APBA2: variants seen among roughly 807,000 people sequenced by gnomAD.
APBA2 encodes amyloid-beta A4 precursor protein-binding family A member 2.
In APBA2, 30 loss-of-function variants were observed where a neutral mutation model predicts 75.0. The ratio of observed to expected loss-of-function variants is 0.40; its 90% CI spans 0.30 to 0.54. The LOEUF (loss-of-function observed/expected upper bound fraction) is 0.54, where lower values mean the gene tolerates loss of function less well. Among genes scored for constraint, APBA2 ranks in the 20% least tolerant of loss-of-function variants. The pLI is 0.49. For missense variants in APBA2, 801 were observed against 1,016.1 expected (o/e 0.79, Z 2.88); for synonymous variants, 444 against 409.6 (o/e 1.08, Z -1.01).
chr15:29,115,357 C>T (rs1029736471), intron 14 of APBA2, among the ~76,000 whole-genome samples: 5 of 152,070 alleles, frequency 3.3e-5, no homozygotes, highest in Non-Finnish European at 7.4e-5. Flanking sequence ...CGGCTGGGAG[C>T]TGGGAGGCCT....
At chr15:28,900,333 C>T (rs2032775954) in intron 1 of APBA2, among the ~76,000 whole-genome samples, 1 of 152,172 alleles carries the variant, frequency 6.6e-6, no homozygotes, top group Non-Finnish European at 1.5e-5. Context: ...GTGGTGACGG[C>T]AGCATTGGGT....
At chr15:29,027,092 A>G (rs1358791939) in intron 3 of APBA2, among the ~76,000 whole-genome samples, 2 of 152,230 alleles carry the variant, frequency 1.3e-5, no homozygotes, top group Non-Finnish European at 2.9e-5. Context: ...TTTTAATGCT[A>G]ATAGTGAACC....
chr15:29,090,737 C>T lies in APBA2; in HGVS notation c.1070-2338C>T, dbSNP rs561404624. Among the ~76,000 whole-genome samples the T allele has an allele frequency of 2.6e-5, 4 of 152,272 alleles. No homozygotes were observed. In the South Asian group the frequency reaches 8.3e-4, roughly 32 times the overall value. On this transcript the variant is annotated intron_variant, in intron 6 of 14. Transcript: ENST00000683413. ...GGTCAATGAGAGCCACTGCATTGGG[C>T]CCCACTGGGTGACTGGGGCTTCACT...
intron 3 of APBA2, among the ~76,000 whole-genome samples, chr15:29,025,950 CAAA>C (rs60211119): frequency 7.7e-5 from 9 of 117,326 alleles, no homozygotes; most frequent in African/African-American, 8.5e-5. Flanking sequence ...GACTCCGACT[CAAA>C]AAAAAAAAAA....
At chr15:29,005,533 A>G (rs1279757780) in intron 3 of APBA2, among the ~76,000 whole-genome samples, 6 of 152,006 alleles carry the variant, frequency 3.9e-5, no homozygotes, top group Non-Finnish European at 5.9e-5. Flanking sequence ...AAGTGCTGGG[A>G]TTACAGGCGT....
chr15:29,104,230 C>T (rs1247169698), intron 10 of APBA2, among the ~76,000 whole-genome samples: 7 of 152,212 alleles, frequency 4.6e-5, no homozygotes, highest in East Asian at 1.9e-4. Context: ...TGGGGGCGCC[C>T]GTGCAGGACC....
At chr15:29,107,474 C>T (rs1027474916) in intron 12 of APBA2, among the ~76,000 whole-genome samples, 2 of 152,320 alleles carry the variant, frequency 1.3e-5, no homozygotes, top group East Asian at 1.9e-4. Flanking sequence ...TTCCTCCCCA[C>T]CCTGCTGTGG....
chr15:29,062,438 C>G (rs559667679), intron 4 of APBA2, among the ~76,000 whole-genome samples: 1 of 152,168 alleles, frequency 6.6e-6, no homozygotes, highest in Non-Finnish European at 1.5e-5. Flanking sequence ...ACGTTTCAAT[C>G]CTGGCTGGCT....
At chr15:29,039,098 GGTGTGTGTGTGTGTGTGTGTGTGTGTGT>G (rs57326919) in intron 3 of APBA2, among the ~76,000 whole-genome samples, 16 of 106,294 alleles carry the variant, frequency 1.5e-4, no homozygotes, top group Admixed American at 3.9e-4. Context: ...TGTATGTCAG[GGTGTGTGTGTGTGTGTGTGTGTGTGTGT>G]GTGTGTGTGT....
intron 2 of APBA2, among the ~76,000 whole-genome samples, chr15:28,989,612 G>A (rs1472316426): frequency 6.6e-6 from 1 of 152,174 alleles, no homozygotes; most frequent in Non-Finnish European, 1.5e-5. Context: ...AACGGAAAAC[G>A]AAATCCCATC....
Position 28,946,136 on chromosome 15 carries a change from C to G in APBA2, c.-95+24387C>G, listed in dbSNP as rs12324794. ...GCAGATAGGATTCCAATTTAAAGAG[C>G]GTTTGTCATTCAGAGACTGTGGTAG... On this transcript the variant is annotated intron_variant, in intron 2 of 14. Transcript: ENST00000683413. Among the ~76,000 whole-genome samples the G allele has an allele frequency of 5.5e-3, 843 of 152,172 alleles. 6 individuals are homozygous for G. Among genetic ancestry groups the G allele is most frequent in the Non-Finnish European group, 6.6e-3 (451 of 68,006 alleles).
At chr15:28,953,752 G>A (rs956441599) in intron 2 of APBA2, among the ~76,000 whole-genome samples, 2 of 152,100 alleles carry the variant, frequency 1.3e-5, no homozygotes, top group Non-Finnish European at 2.9e-5. Context: ...TTTTCTTCCT[G>A]CTTCACTGGA....
At chr15:28,933,019 G>T (rs557152217) in intron 2 of APBA2, among the ~76,000 whole-genome samples, 1 of 152,254 alleles carries the variant, frequency 6.6e-6, no homozygotes, top group East Asian at 1.9e-4. Flanking sequence ...TCCTAACATG[G>T]TGGAAGGCAT....
chr15:29,068,023 T>C (rs1433231005), intron 4 of APBA2, among the ~76,000 whole-genome samples: 1 of 152,216 alleles, frequency 6.6e-6, no homozygotes, highest in Admixed American at 6.5e-5. Context: ...GACTTACTAC[T>C]GGTCATTCAA....
chr15:28,942,620 G>T (rs540583414), intron 2 of APBA2, among the ~76,000 whole-genome samples: 217 of 152,306 alleles, frequency 1.4e-3, no homozygotes, highest in African/African-American at 5.0e-3. Context: ...GACTGCCAGG[G>T]TCTTCCTGCC....
At chr15:28,941,386 A>G (rs1026465943) in intron 2 of APBA2, among the ~76,000 whole-genome samples, 1 of 151,910 alleles carries the variant, frequency 6.6e-6, no homozygotes, top group Non-Finnish European at 1.5e-5. Context: ...ACTGATTTGC[A>G]GGAACGGAAA....
chr15:28,989,958 A>G (rs1347494329), intron 2 of APBA2, among the ~76,000 whole-genome samples: 3 of 152,178 alleles, frequency 2.0e-5, no homozygotes, highest in Non-Finnish European at 4.4e-5. Context: ...GGAATTGCAG[A>G]AAACAAGGTC....
chr15:29,116,021 G>T (rs545823120), intron 14 of APBA2, among the ~76,000 whole-genome samples: 2 of 152,200 alleles, frequency 1.3e-5, no homozygotes, highest in Admixed American at 6.5e-5. Flanking sequence ...ACAGGGGAGA[G>T]CGTCGTGCTC....
chr15:29,112,254 G>C lies in APBA2; in HGVS notation c.2038-1622G>C, dbSNP rs535631712. Among the ~76,000 whole-genome samples the C allele has an allele frequency of 5.3e-5, 8 of 152,360 alleles. No homozygotes were observed. The South Asian group carries it at 1.4e-3, about 28-fold the overall frequency. On this transcript the variant is annotated intron_variant, in intron 13 of 14. Transcript: ENST00000683413. ...TGGGGAGCATATGCAGGCGCTGGAG[G>C]ATGCCTGGCTAGGAGTCTATCAGCT...
Sources: gnomAD v4.1 joint callset for allele counts (sites outside exome capture counted in the v4.1 genomes callset) on GRCh38, gnomAD v4.1.1 for gene constraint, MANE v1.5 for transcripts, NCBI Gene and HGNC (gene_info 2026-07-23, HGNC 2026-07-21) for gene names.